Variants in BCAR3 observed in about 807,000 individuals in gnomAD.
The protein encoded by BCAR3 is BCAR3 adaptor protein, NSP family member.
In BCAR3, 37 loss-of-function variants were observed where a neutral mutation model predicts 80.1. That is an observed-to-expected ratio of 0.46 (90% CI 0.36 to 0.61). The LOEUF is 0.61. Among genes scored for constraint, BCAR3 ranks in the 20% least tolerant of loss-of-function variants. BCAR3 has a pLI of 0.00. For missense variants in BCAR3, 978 were observed against 1,068.2 expected, an observed-to-expected ratio of 0.92 and a Z score of 1.18; for synonymous variants, 389 against 418.9, an observed-to-expected ratio of 0.93 and a Z score of 0.87.
chr1:93,717,158 TGA>T (rs1184292287), intron 2 of BCAR3, among the ~76,000 whole-genome samples: 1 of 152,140 alleles, frequency 6.6e-6, no homozygotes, highest in Non-Finnish European at 1.5e-5. Context: ...TGCTGAAGGA[TGA>T]GAGACCTCAT....
chr1:93,837,832 A>G (rs1283194180), intron 2 of BCAR3, among the ~76,000 whole-genome samples: 1 of 152,218 alleles, frequency 6.6e-6, no homozygotes, highest in African/African-American at 2.4e-5. Context: ...TAGCCTGCTC[A>G]ATGAGAATGG....
chr1:93,623,021 G>A (rs1675360273), intron 3 of BCAR3, among the ~76,000 whole-genome samples: 1 of 152,148 alleles, frequency 6.6e-6, no homozygotes, highest in African/African-American at 2.4e-5. Flanking sequence ...CCAAGGACAA[G>A]CTATAGATGG....
At chr1:93,847,293 G>A, upstream of BCAR3, 1 of 174,054 alleles carries the variant, frequency 5.7e-6, no homozygotes, top group South Asian at 1.1e-4. Flanking sequence ...CGTACGGCTG[G>A]GCCCGGACCG....
chr1:93,790,634 A>ATTCTTTTTTTTTTTTTTTTTTTATTTTTT, intron 2 of BCAR3, among the ~76,000 whole-genome samples: 1 of 107,426 alleles, frequency 9.3e-6, no homozygotes, highest in Non-Finnish European at 1.8e-5. Context: ...TTTTGTATTC[A>ATTCTTTTTTTTTTTTTTTTTTTATTTTTT]TTTTTTTTTT....
intron 2 of BCAR3, among the ~76,000 whole-genome samples, chr1:93,769,001 C>T (rs6660794): frequency 0.18 from 27,314 of 152,184 alleles, 3,549 homozygotes; most frequent in African/African-American, 0.36. Flanking sequence ...CTGAGTGTCG[C>T]CCTTTGTCCC....
chr1:93,655,842 G>C (rs1290509943), intron 2 of BCAR3, among the ~76,000 whole-genome samples: 1 of 152,114 alleles, frequency 6.6e-6, no homozygotes, highest in Admixed American at 6.5e-5. Flanking sequence ...AAACATTTAA[G>C]GGATCCCTTC....
In BCAR3 at chr1:93,565,921, T is replaced by C. The variant is rs1003413777; in HGVS notation, c.2299+1358A>G. On this transcript the variant is annotated intron_variant, in intron 11 of 11. Transcript: ENST00000260502. ...TAAAAAATTATATAGTAATGGAAAATAGTCATCCTTGATGACTGCCTTGGC... is the reference window on the plus strand; with the variant it reads ...TAAAAAATTATATAGTAATGGAAAACAGTCATCCTTGATGACTGCCTTGGC... 7.9e-5 allele frequency among the ~76,000 whole-genome samples: 12 copies of C among 152,306 alleles called. 1 individual carries two copies. The highest frequency in any genetic ancestry group is 5.2e-4 in the Admixed American group (8 of 15,296).
chr1:93,707,334 T>G (rs1335153378), intron 2 of BCAR3, among the ~76,000 whole-genome samples: 1 of 152,164 alleles, frequency 6.6e-6, no homozygotes, highest in East Asian at 1.9e-4. Context: ...GTACAGTAAT[T>G]AAATAAAACA....
At chr1:93,662,171 G>A (rs1647691383) in intron 2 of BCAR3, among the ~76,000 whole-genome samples, 1 of 152,148 alleles carries the variant, frequency 6.6e-6, no homozygotes, top group Non-Finnish European at 1.5e-5. Context: ...AATTCACCAG[G>A]TATGATTTGG....
chr1:93,764,427 T>C (rs1039911211), intron 2 of BCAR3, among the ~76,000 whole-genome samples: 3 of 152,018 alleles, frequency 2.0e-5, no homozygotes, highest in Non-Finnish European at 4.4e-5. Flanking sequence ...GCTAGGAACA[T>C]GGGCATGATC....
At chr1:93,778,576 T>A (rs1016275053) in intron 2 of BCAR3, among the ~76,000 whole-genome samples, 3 of 152,110 alleles carry the variant, frequency 2.0e-5, no homozygotes, top group Non-Finnish European at 2.9e-5. Flanking sequence ...AAGGGAGTTA[T>A]TTTTGCCTTA....
intron 2 of BCAR3, among the ~76,000 whole-genome samples, chr1:93,832,538 T>G (rs1414774962): frequency 6.6e-6 from 1 of 152,200 alleles, no homozygotes; most frequent in Non-Finnish European, 1.5e-5. Context: ...AGACTGACAC[T>G]GCCCAATCAC....
At chr1:93,710,184 T>A (rs983452832) in intron 2 of BCAR3, among the ~76,000 whole-genome samples, 3 of 152,202 alleles carry the variant, frequency 2.0e-5, no homozygotes, top group Non-Finnish European at 4.4e-5. Flanking sequence ...CAAGAAAGGC[T>A]GATCAAGAAG....
chr1:93,736,751 G>A (rs965989089), intron 2 of BCAR3, among the ~76,000 whole-genome samples: 1 of 152,154 alleles, frequency 6.6e-6, no homozygotes, highest in African/African-American at 2.4e-5. Context: ...ACTATTCCAA[G>A]TGATAAAAGG....
At chr1:93,827,009 G>A (rs897919934) in intron 2 of BCAR3, among the ~76,000 whole-genome samples, 7 of 152,176 alleles carry the variant, frequency 4.6e-5, no homozygotes, top group Admixed American at 3.9e-4. Flanking sequence ...GGAAGGCCAT[G>A]GGCAGTGCCA....
chr1:93,638,283 C>T (rs1675860058), intron 3 of BCAR3, among the ~76,000 whole-genome samples: 1 of 152,168 alleles, frequency 6.6e-6, no homozygotes, highest in African/African-American at 2.4e-5. Context: ...ACCCAGCTCC[C>T]TCCCTGGGGT....
Position 93,618,947 on chromosome 1 carries a change from T to G in BCAR3, c.357+23357A>C, listed in dbSNP as rs372486744. 3.1e-3 allele frequency among the ~76,000 whole-genome samples: 474 copies of G among 151,116 alleles called. 1 individual carries two copies. The highest frequency in any genetic ancestry group is 8.3e-3 in the African/African-American group (340 of 41,170). Reference sequence around the variant, plus strand: ...GGGTTTTTTTTTTTTTTGTTTTTTTTTTTTTAATCTGAGACGGAATCTCGC... The same window carrying G: ...GGGTTTTTTTTTTTTTTGTTTTTTTGTTTTTAATCTGAGACGGAATCTCGC... On this transcript the variant is annotated intron_variant, in intron 3 of 11. Coordinates refer to ENST00000260502, the MANE Select transcript of BCAR3 (RefSeq NM_003567.4).
chr1:93,690,757 G>T (rs2101963391), intron 3 of BCAR3, among the ~76,000 whole-genome samples: 1 of 152,290 alleles, frequency 6.6e-6, no homozygotes, highest in Non-Finnish European at 1.5e-5. Flanking sequence ...CAAAAAATAT[G>T]TTTAGTGCCA....
intron 2 of BCAR3, among the ~76,000 whole-genome samples, chr1:93,767,826 G>T (rs1385050655): frequency 6.8e-6 from 1 of 147,950 alleles, no homozygotes; most frequent in Non-Finnish European, 1.5e-5. Flanking sequence ...CAGAAAATGG[G>T]TTAAGTGAAA....
Sources: allele counts gnomAD v4.1 joint callset (sites outside exome capture counted in the v4.1 genomes callset), GRCh38; gene constraint gnomAD v4.1.1; transcripts MANE v1.5; gene names NCBI Gene and HGNC (gene_info 2026-07-23, HGNC 2026-07-21).